CDH4: variants seen among roughly 807,000 people sequenced by gnomAD.
CDH4 encodes cadherin 4.
A neutral mutation model predicts 86.0 loss-of-function variants in CDH4; 33 were observed. That is an observed-to-expected ratio of 0.38 (90% CI 0.29 to 0.51). The LOEUF (loss-of-function observed/expected upper bound fraction) is 0.51, where lower values mean the gene tolerates loss of function less well. Among genes scored for constraint, CDH4 ranks in the 20% least tolerant of loss-of-function variants. The pLI, the probability that CDH4 is intolerant of heterozygous loss-of-function variation, is 0.86. For synonymous variants in CDH4, 555 were observed against 549.4 expected, an observed-to-expected ratio of 1.01 and a Z score of -0.14; for missense variants, 1,114 against 1,307.4, an observed-to-expected ratio of 0.85 and a Z score of 2.28.
intron 2 of CDH4, among the ~76,000 whole-genome samples, chr20:61,620,352 A>T (rs1043378842): frequency 1.3e-5 from 2 of 150,626 alleles, no homozygotes; most frequent in African/African-American, 5.0e-5. Flanking sequence ...GGATAGATAG[A>T]TGATGATGAT....
At chr20:61,782,044 C>T (rs1350520546) in intron 4 of CDH4, among the ~76,000 whole-genome samples, 1 of 152,178 alleles carries the variant, frequency 6.6e-6, no homozygotes, top group Non-Finnish European at 1.5e-5. Context: ...TGGTGGTTCA[C>T]ACCTGTAATC....
chr20:61,451,020 A>T (rs2085376214), intron 2 of CDH4, among the ~76,000 whole-genome samples: 1 of 152,068 alleles, frequency 6.6e-6, no homozygotes, highest in African/African-American at 2.4e-5. Flanking sequence ...AACCTGGATC[A>T]TAAGCCTCCA....
intron 2 of CDH4, among the ~76,000 whole-genome samples, chr20:61,735,215 G>A (rs2088247573): frequency 6.6e-6 from 1 of 152,210 alleles, no homozygotes; most frequent in African/African-American, 2.4e-5. Context: ...TGGGCACAGA[G>A]CTCAGGAGGA....
chr20:61,746,960 C>A (rs1264373439), intron 3 of CDH4, among the ~76,000 whole-genome samples: 2 of 152,188 alleles, frequency 1.3e-5, no homozygotes, highest in Non-Finnish European at 2.9e-5. Flanking sequence ...CAAGGTGACA[C>A]CGGATTGCTG....
chr20:61,573,907 C>T (rs762857271), intron 2 of CDH4, among the ~76,000 whole-genome samples: 1 of 152,244 alleles, frequency 6.6e-6, no homozygotes. Flanking sequence ...CCTCGCTCAC[C>T]TCCCTGCAGC....
intron 4 of CDH4, among the ~76,000 whole-genome samples, chr20:61,781,828 G>A (rs1978562600): frequency 6.6e-6 from 1 of 152,180 alleles, no homozygotes; most frequent in Non-Finnish European, 1.5e-5. Flanking sequence ...TCAAACTGCT[G>A]AAATGCAAAA....
Position 61,807,426 on chromosome 20 carries a change from T to C in CDH4, c.576+34244T>C, listed in dbSNP as rs1980196042. ...GTAACAGGGTGTCTGGGTACCTAAA[T>C]GTCGGAATTTGAGGCTATTCAAGTT... is the stretch of plus-strand genomic sequence containing the variant. On this transcript the variant is annotated intron_variant, in intron 4 of 15. Coordinates refer to ENST00000614565, the MANE Select transcript of CDH4 (RefSeq NM_001794.5). This position sits in a 1 kb window ranked among gnomAD's most constrained non-coding sequence, Gnocchi z 4.5. Among the ~76,000 whole-genome samples the C allele has an allele frequency of 6.6e-6, 1 of 152,202 alleles. No homozygotes were observed. Among genetic ancestry groups the C allele is most frequent in the Admixed American group, 6.5e-5 (1 of 15,286 alleles).
At chr20:61,747,170 G>A (rs147867660) in intron 3 of CDH4, among the ~76,000 whole-genome samples, 1,762 of 152,284 alleles carry the variant, frequency 0.012, 12 homozygotes, top group Non-Finnish European at 0.015. Flanking sequence ...GACCGGGCGC[G>A]GTGGCTCACG....
intron 2 of CDH4, among the ~76,000 whole-genome samples, chr20:61,648,655 G>T (rs1273983686): frequency 6.6e-6 from 1 of 152,212 alleles, no homozygotes; most frequent in African/African-American, 2.4e-5. Context: ...TGAATGGCGA[G>T]AAGAGCTGCT....
chr20:61,560,207 G>C (rs1338598038), intron 2 of CDH4, among the ~76,000 whole-genome samples: 1 of 152,108 alleles, frequency 6.6e-6, no homozygotes, highest in Non-Finnish European at 1.5e-5. Context: ...ACCTGCGGGT[G>C]CTCCCCACTT....
rs538207396 is a variant in CDH4 at position 61,252,273 on chromosome 20, G to C, written c.-241G>C. 6.8e-6 allele frequency among the ~76,000 whole-genome samples: 1 copy of C among 146,948 alleles called. No individual in the cohort carries two copies. The highest frequency in any genetic ancestry group is 1.5e-5 in the Non-Finnish European group (1 of 66,094). On this transcript the variant is annotated 5_prime_UTR_variant, in exon 1 of 16. Transcript: ENST00000614565. The surrounding 1 kb of genome is among the most constrained non-coding windows in gnomAD (Gnocchi z 4.4). ...GAGCGCGCGGAACAGAGGCGCGGGC[G>C]GCTGCGAGGCCGGCGGACGCACCGG...
Position 61,572,874 on chromosome 20 carries a change from C to T in CDH4, c.170-170689C>T, listed in dbSNP as rs1182210972. 2.3e-4 allele frequency among the ~76,000 whole-genome samples: 30 copies of T among 127,926 alleles called. No homozygotes were observed. In the East Asian group the frequency reaches 5.6e-3, roughly 24 times the overall value. 83.9% of individuals were successfully genotyped at this position (127,926 alleles called of 152,430 possible). On this transcript the variant is annotated intron_variant, in intron 2 of 15. Transcript: ENST00000614565. ...ATGGATGGATGGATGGATGGACAGACAGAGGGAGAGATGGATGGACAGACG... is the reference window on the plus strand; with the variant it reads ...ATGGATGGATGGATGGATGGACAGATAGAGGGAGAGATGGATGGACAGACG...
At chr20:61,297,170 G>T (rs914802495) in intron 2 of CDH4, among the ~76,000 whole-genome samples, 6 of 152,188 alleles carry the variant, frequency 3.9e-5, no homozygotes, top group Admixed American at 2.6e-4. Context: ...TGGATCAGCT[G>T]AGGTCAGGAG....
intron 2 of CDH4, among the ~76,000 whole-genome samples, chr20:61,626,656 AGGTCTGCTTCT>A (rs1181797321): frequency 2.0e-5 from 3 of 152,182 alleles, no homozygotes; most frequent in East Asian, 3.9e-4. Flanking sequence ...CGTGGGCAGC[AGGTCTGCTTCT>A]GCACCCAGCA....
rs965856657 is a variant in CDH4, at chr20:61,392,871, A to C, written c.169+137934A>C. ...TAGCCCCTCCACCATCCCCTGTGTC[A>C]CTGCACTAAGTAAAGCCAGTGGATT... On this transcript the variant is annotated intron_variant, in intron 2 of 15. Coordinates refer to ENST00000614565, the MANE Select transcript of CDH4 (RefSeq NM_001794.5). The surrounding 1 kb of genome is among the most constrained non-coding windows in gnomAD (Gnocchi z 5.7). Among the ~76,000 whole-genome samples, 2 of 151,500 alleles carry C rather than the reference A, an allele frequency of 1.3e-5. No homozygotes were observed. Among genetic ancestry groups the C allele is most frequent in the African/African-American group, 4.9e-5 (2 of 41,158 alleles).
chr20:61,371,368 G>T (rs1357128414), intron 2 of CDH4, among the ~76,000 whole-genome samples: 1 of 152,118 alleles, frequency 6.6e-6, no homozygotes, highest in Non-Finnish European at 1.5e-5. Context: ...TCCTGGGGCA[G>T]CCCTTGGTGT....
intron 2 of CDH4, among the ~76,000 whole-genome samples, chr20:61,389,319 A>G (rs989352218): frequency 3.3e-5 from 5 of 152,134 alleles, no homozygotes; most frequent in African/African-American, 1.2e-4. Flanking sequence ...ATCACATGGC[A>G]TGTCCATGTG....
At chr20:61,915,597 C>G (rs184514654) in intron 9 of CDH4, among the ~76,000 whole-genome samples, 1 of 152,214 alleles carries the variant, frequency 6.6e-6, no homozygotes, top group East Asian at 1.9e-4. Context: ...CCATGTGACA[C>G]GCGATGGGTC....
At chr20:61,543,726 A>G (rs1023512553) in intron 2 of CDH4, among the ~76,000 whole-genome samples, 8 of 152,218 alleles carry the variant, frequency 5.3e-5, no homozygotes, top group Admixed American at 5.2e-4. Context: ...TGGCAGCTGT[A>G]AAGTGCTCTT....
Sources: gnomAD v4.1 joint callset for allele counts (sites outside exome capture counted in the v4.1 genomes callset) on GRCh38, gnomAD v4.1.1 for gene constraint, Gnocchi (gnomAD v3.1) non-coding constraint, MANE v1.5 for transcripts, NCBI Gene and HGNC (gene_info 2026-07-23, HGNC 2026-07-21) for gene names.